FANCC: variants seen among roughly 807,000 people sequenced by gnomAD.
FANCC encodes the protein Fanconi anemia group C protein.
Under a neutral mutation model 71.3 loss-of-function variants are expected in FANCC, and 55 were observed. The ratio of observed to expected loss-of-function variants is 0.77; its 90% CI spans 0.62 to 0.97. The LOEUF (loss-of-function observed/expected upper bound fraction) is 0.97, where lower values mean the gene tolerates loss of function less well. Among genes scored for constraint, FANCC ranks in the 50% least tolerant of loss-of-function variants. FANCC has a pLI of 0.00. For missense variants in FANCC, 678 were observed against 670.9 expected (o/e 1.01, Z -0.12); for synonymous variants, 275 against 244.9 (o/e 1.12, Z -1.15).
At chr9:95,220,897 A>G (rs1829214133) in intron 4 of FANCC, among the ~76,000 whole-genome samples, 1 of 151,204 alleles carries the variant, frequency 6.6e-6, no homozygotes, top group Admixed American at 6.6e-5. Context: ...ATAAATAAAT[A>G]AAAGAAATAC....
At chr9:95,219,999 A>T (rs569505134) in intron 4 of FANCC, among the ~76,000 whole-genome samples, 1 of 152,298 alleles carries the variant, frequency 6.6e-6, no homozygotes, top group African/African-American at 2.4e-5. Context: ...GAATCTACAA[A>T]GAACTTAAAC....
At position 95,279,292 on chromosome 9, in the gene FANCC, T is replaced by C. The variant is rs562887358; in HGVS notation, c.-78-29923A>G. On this transcript the variant is annotated intron_variant, in intron 1 of 14. Transcript: ENST00000289081. ...GAGCTCACACCACTGCACTCCAGCC[T>C]GGGTGACAGACCAATACTCTGTCTC... Among the ~76,000 whole-genome samples the C allele has an allele frequency of 2.6e-4, 39 of 151,188 alleles. No individual in the cohort carries two copies. The South Asian group carries it at 6.9e-3, about 27-fold the overall frequency.
chr9:95,111,448 G>A lies in FANCC; in HGVS notation c.1329+15C>T, dbSNP rs1279690170. ...GAGCCCACCCCAAACACATGCAGTG[G>A]GGCCTGCTACCCACCATAGTCTGTG... On this transcript the variant is annotated intron_variant, in intron 13 of 14. Transcript: ENST00000289081. 6.2e-7 allele frequency: 1 copy of A among 1,609,082 alleles called. No homozygotes were observed. The highest frequency in any genetic ancestry group is 1.3e-5 in the African/African-American group (1 of 74,924).
At chr9:95,250,857 T>A (rs1337202405) in intron 1 of FANCC, among the ~76,000 whole-genome samples, 3 of 152,234 alleles carry the variant, frequency 2.0e-5, no homozygotes, top group Non-Finnish European at 2.9e-5. Flanking sequence ...GAAAAAACTT[T>A]AGCAAATGTA....
chr9:95,234,574 G>A (rs1025540712), intron 4 of FANCC, among the ~76,000 whole-genome samples: 1 of 152,200 alleles, frequency 6.6e-6, no homozygotes, highest in Admixed American at 6.5e-5. Flanking sequence ...CTCCTGGATA[G>A]CAAGATACTT....
rs141342334 is a variant in FANCC, at chr9:95,185,877, T to C, written c.346-13730A>G. Among the ~76,000 whole-genome samples, 1,168 of 152,344 alleles carry C rather than the reference T, an allele frequency of 7.7e-3. 17 individuals are homozygous for C. The highest frequency in any genetic ancestry group is 0.026 in the African/African-American group (1,096 of 41,576). ...AAGTAGTCATTGACAATTTTGCCTCTTTCATAAACCACACTTTGAGATGTA... is the reference window on the plus strand; with the variant it reads ...AAGTAGTCATTGACAATTTTGCCTCCTTCATAAACCACACTTTGAGATGTA... On this transcript the variant is annotated intron_variant, in intron 4 of 14. Coordinates refer to ENST00000289081, the MANE Select transcript of FANCC (RefSeq NM_000136.3).
rs1482665494 is a variant in FANCC at position 95,101,469 on chromosome 9, G to C, written c.*238C>G. ...CGGTCTGGCCGGGCGGGCACCAGGAGTACCGAAGGCTCACTTGAGTCATTA... is the reference window on the plus strand; with the variant it reads ...CGGTCTGGCCGGGCGGGCACCAGGACTACCGAAGGCTCACTTGAGTCATTA... On this transcript the variant is annotated 3_prime_UTR_variant, in exon 15 of 15. Transcript: ENST00000289081. 1.7e-6 allele frequency: 1 copy of C among 575,400 alleles called. No homozygotes were observed. The highest frequency in any genetic ancestry group is 1.9e-5 in the African/African-American group (1 of 53,534). The allele number at this position is 575,400 out of a possible 1,614,324, so 35.6% of individuals were successfully genotyped here.
intron 1 of FANCC, among the ~76,000 whole-genome samples, chr9:95,304,283 G>A (rs1360691444): frequency 6.6e-6 from 1 of 152,136 alleles, no homozygotes; most frequent in African/African-American, 2.4e-5. Context: ...CAAGAAAGGA[G>A]AGAAGGATGA....
At chr9:95,111,855 G>C (rs1259882491) in intron 12 of FANCC, among the ~76,000 whole-genome samples, 1 of 152,186 alleles carries the variant, frequency 6.6e-6, no homozygotes, top group Non-Finnish European at 1.5e-5. Flanking sequence ...ACCCCCGTGA[G>C]GCCTGAGGCC....
At chr9:95,300,947 G>C (rs1834686172) in intron 1 of FANCC, among the ~76,000 whole-genome samples, 1 of 152,164 alleles carries the variant, frequency 6.6e-6, no homozygotes, top group African/African-American at 2.4e-5. Context: ...AAATGAAAGA[G>C]AAATAAGACA....
In FANCC at chr9:95,111,219, GTCT is replaced by G. The variant is rs1179792964; in HGVS notation, c.1329+241_1329+243del. 4 of 1,536,428 alleles carry G rather than the reference GTCT, an allele frequency of 2.6e-6. No homozygotes were observed. In the South Asian group the frequency reaches 3.6e-5, roughly 14 times the overall value. ...GATCAAATGACCTTGGGGAAGAAGG[GTCT>G]TCGTTTTGCAGGAGAATGGGCTGGC... On this transcript the variant is annotated intron_variant, in intron 13 of 14. Transcript: ENST00000289081.
intron 7 of FANCC, among the ~76,000 whole-genome samples, chr9:95,138,292 T>C (rs1588143253): frequency 1.3e-5 from 2 of 152,278 alleles, no homozygotes; most frequent in East Asian, 3.9e-4. Context: ...AGCAGAACAG[T>C]GGGCAGCTTT....
chr9:95,170,558 T>C (rs1427118578), intron 6 of FANCC, among the ~76,000 whole-genome samples: 2 of 152,012 alleles, frequency 1.3e-5, no homozygotes, highest in East Asian at 1.9e-4. Context: ...ATCTCTTTGA[T>C]TTGTTTAGTC....
At chr9:95,313,322 G>C (rs1835525139) in intron 1 of FANCC, among the ~76,000 whole-genome samples, 1 of 152,204 alleles carries the variant, frequency 6.6e-6, no homozygotes, top group Admixed American at 6.5e-5. Context: ...TGTGTGCCTG[G>C]GAACCAGTGC....
chr9:95,217,706 G>A (rs980703913), intron 4 of FANCC, among the ~76,000 whole-genome samples: 4 of 152,132 alleles, frequency 2.6e-5, no homozygotes, highest in African/African-American at 7.2e-5. Context: ...CAGCTTAAGA[G>A]CTAGGGTAAG....
In FANCC at chr9:95,101,368, T is replaced by C. The variant is rs2071066772; in HGVS notation, c.*339A>G. 1.2e-5 allele frequency: 5 copies of C among 412,374 alleles called. No individual in the cohort carries two copies. In the Admixed American group the frequency reaches 1.9e-4, roughly 16 times the overall value. The allele number at this position is 412,374 out of a possible 1,614,324, so 25.5% of individuals were successfully genotyped here. On this transcript the variant is annotated 3_prime_UTR_variant, in exon 15 of 15. Transcript: ENST00000289081. The stretch of plus-strand genomic sequence containing the variant: ...AGACTTTGAATTTTTAAATAATAGA[T>C]GTGCAGCTTGACTTGGGTAAAAACT...
At chr9:95,289,038 C>T (rs1436452836) in intron 1 of FANCC, among the ~76,000 whole-genome samples, 2 of 152,070 alleles carry the variant, frequency 1.3e-5, no homozygotes, top group East Asian at 3.9e-4. Context: ...GAGTTTGAGG[C>T]TGCAATGAGC....
chr9:95,204,839 C>A (rs78025703), intron 4 of FANCC, among the ~76,000 whole-genome samples: 5 of 152,132 alleles, frequency 3.3e-5, no homozygotes, highest in Admixed American at 3.3e-4. Context: ...TCCTCTGCCA[C>A]AGGGTCCCAC....
rs191203754 is a variant in FANCC at position 95,286,508 on chromosome 9, G to A, written c.-79+31018C>T. On this transcript the variant is annotated intron_variant, in intron 1 of 14. Transcript: ENST00000289081. ...TTTACCTAAAAACACCTACTATGCA[G>A]CAGGCACTGTGGCTAATGAAAAGAT... is the stretch of plus-strand genomic sequence containing the variant. Among the ~76,000 whole-genome samples, 10 of 152,336 alleles carry A rather than the reference G, an allele frequency of 6.6e-5. No homozygotes were observed. In the South Asian group the frequency reaches 1.2e-3, roughly 19 times the overall value.
Sources: allele counts gnomAD v4.1 joint callset (sites outside exome capture counted in the v4.1 genomes callset), GRCh38; gene constraint gnomAD v4.1.1; transcripts MANE v1.5; gene names NCBI Gene and HGNC (gene_info 2026-07-23, HGNC 2026-07-21).